ITGA3: variants seen among roughly 807,000 people sequenced by gnomAD.
ITGA3 encodes the protein integrin alpha-3.
In ITGA3, 70 loss-of-function variants were observed where a neutral mutation model predicts 131.1. The ratio of observed to expected loss-of-function variants is 0.53; its 90% CI spans 0.44 to 0.65. ITGA3 has a LOEUF of 0.65. Ranked by LOEUF, ITGA3 falls within the 30% of genes least tolerant of loss-of-function variation. The pLI, the probability that ITGA3 is intolerant of heterozygous loss-of-function variation, is 0.00. For synonymous variants in ITGA3, 537 were observed against 571.6 expected (o/e 0.94, Z 0.86); for missense variants, 1,098 against 1,388.6 (o/e 0.79, Z 3.33).
At chr17:50,077,566 C>G in intron 16 of ITGA3, 119 bp downstream of exon 16, 1 of 800,532 alleles carries the variant, frequency 1.2e-6, no homozygotes. Context: ...TGGAGAGCCA[C>G]AGTGCGGGAG....
intron 13 of ITGA3, 54 bp downstream of exon 13, chr17:50,076,529 G>T: frequency 6.2e-7 from 1 of 1,606,448 alleles, no homozygotes; most frequent in Non-Finnish European, 8.5e-7. Context: ...GGGCGGTGGG[G>T]CGAGAGGGCA....
Position 50,064,772 on chromosome 17 carries a change from C to T in ITGA3, c.414+165C>T. Reference sequence around the variant, plus strand: ...CTGTGTGTCCCTCGCTCTCTGCACTCCTGGGGAGGGGGTGAGTATCCTGTG... The same window carrying T: ...CTGTGTGTCCCTCGCTCTCTGCACTTCTGGGGAGGGGGTGAGTATCCTGTG... On this transcript the variant is annotated intron_variant, in intron 3 of 25. Coordinates refer to ENST00000320031, the MANE Select transcript of ITGA3 (RefSeq NM_002204.4). The surrounding 1 kb of genome is among the most constrained non-coding windows in gnomAD (Gnocchi z 4.4). 3 of 577,386 alleles carry T rather than the reference C, an allele frequency of 5.2e-6. No homozygotes were observed. The highest frequency in any genetic ancestry group is 6.1e-6 in the Non-Finnish European group (2 of 329,202). The allele number at this position is 577,386 out of a possible 1,614,324, so 35.8% of individuals were successfully genotyped here.
intron 23 of ITGA3, chr17:50,087,449 G>T: frequency 2.9e-6 from 1 of 345,998 alleles, no homozygotes; most frequent in Non-Finnish European, 5.3e-6. Context: ...AGGTCACACA[G>T]CTCATCAGGG....
intron 3 of ITGA3, among the ~76,000 whole-genome samples, chr17:50,067,251 A>G (rs1308572274): frequency 6.6e-6 from 1 of 152,198 alleles, no homozygotes; most frequent in African/African-American, 2.4e-5. Flanking sequence ...GTAAACAAGA[A>G]CCAGGGCCTA....
intron 25 of ITGA3, among the ~76,000 whole-genome samples, chr17:50,088,683 C>G (rs893354848): frequency 1.3e-5 from 2 of 152,168 alleles, no homozygotes; most frequent in Non-Finnish European, 2.9e-5. Flanking sequence ...ACAGCCATGT[C>G]CAGAATAATT....
rs1907827188 is a variant in ITGA3 at position 50,056,519 on chromosome 17, G to T, written c.80G>T (p.Gly27Val). The T allele has an allele frequency of 2.6e-6, 4 of 1,551,284 alleles. No homozygotes were observed. The highest frequency in any genetic ancestry group is 3.5e-6 in the Non-Finnish European group (4 of 1,147,870). The change falls in exon 1 of 26, where the codon GGC becomes GTC. Residue 27 changes from glycine (G) to valine (V), a missense_variant. This residue lies in a region of ITGA3 where 356 missense variants were observed against 529.2 expected (regional missense o/e 0.67). Transcript: ENST00000320031. The surrounding 1 kb of genome is among the most constrained non-coding windows in gnomAD (Gnocchi z 5.6). Reference sequence around the variant, plus strand: ...CTCGCCTTGATGGTGGCGGCCGGCGGCTGCGTCGTCTCCGCCTTCAACCTG... The same window carrying T: ...CTCGCCTTGATGGTGGCGGCCGGCGTCTGCGTCGTCTCCGCCTTCAACCTG... ...CALALMVAAG[G>V]CVVSAFNLDT...
chr17:50,086,236 T>A (rs1397147349), intron 23 of ITGA3: 1 of 136,622 alleles, frequency 7.3e-6, no homozygotes, highest in Admixed American at 8.0e-5. Context: ...ATATATATTA[T>A]ACATGTATAA....
At chr17:50,061,472 C>T (rs904341414) in intron 1 of ITGA3, among the ~76,000 whole-genome samples, 1 of 152,060 alleles carries the variant, frequency 6.6e-6, no homozygotes, top group African/African-American at 2.4e-5. Flanking sequence ...GGGGGCAACA[C>T]TTCCATTACA....
rs975509582 is a variant in ITGA3, at chr17:50,056,463, G to C, written c.24G>C (p.Ala8=). 3.9e-6 allele frequency: 6 copies of C among 1,535,704 alleles called. No individual in the cohort carries two copies. The East Asian group carries it at 1.5e-4, about 39-fold the overall frequency. Residue 8 remains alanine, a synonymous_variant, in exon 1 of 26, where the codon GCG becomes GCC. Coordinates refer to ENST00000320031, the MANE Select transcript of ITGA3 (RefSeq NM_002204.4). This position sits in a 1 kb window ranked among gnomAD's most constrained non-coding sequence, Gnocchi z 5.6. MGPGPSR[A]PRAPRLMLCA... The stretch of plus-strand genomic sequence containing the variant: ...CCATGGGCCCCGGCCCCAGCCGCGC[G>C]CCCCGCGCCCCACGCCTGATGCTCT...
chr17:50,060,917 C>T (rs573065482), intron 1 of ITGA3, among the ~76,000 whole-genome samples: 188 of 152,296 alleles, frequency 1.2e-3, no homozygotes, highest in African/African-American at 4.2e-3. Flanking sequence ...CATTTGCATA[C>T]AGTAAGGTCC....
intron 22 of ITGA3, 56 bp from the exon 23 acceptor site, chr17:50,081,254 G>C (rs1036238502): frequency 1.3e-4 from 143 of 1,141,850 alleles, no homozygotes; most frequent in Non-Finnish European, 2.3e-5. Flanking sequence ...TAGGGTCGGA[G>C]GTAGGCTCAG....
At chr17:50,077,143 C>G in intron 15 of ITGA3, 22 bp downstream of exon 15, 1 of 1,524,006 alleles carries the variant, frequency 6.6e-7, no homozygotes, top group Non-Finnish European at 8.9e-7. Context: ...CCGGCCGGCT[C>G]AGAGCCCAAG....
At chr17:50,086,706 A>T (rs1394648016) in intron 23 of ITGA3, 2 of 150,292 alleles carry the variant, frequency 1.3e-5, no homozygotes, top group African/African-American at 4.9e-5. Flanking sequence ...AAAAAAAAAA[A>T]ACCTCATATA....
chr17:50,061,201 G>A (rs1208560149), intron 1 of ITGA3, among the ~76,000 whole-genome samples: 1 of 152,180 alleles, frequency 6.6e-6, no homozygotes, highest in South Asian at 2.1e-4. Context: ...TGGGATTAGG[G>A]CACTGGCCCT....
In ITGA3 at chr17:50,071,521, G is replaced by A. The variant is rs1380539568; in HGVS notation, c.959+3G>A. 9.4e-6 allele frequency: 15 copies of A among 1,602,106 alleles called. No homozygotes were observed. Among genetic ancestry groups the A allele is most frequent in the Admixed American group, 5.0e-5 (3 of 59,516 alleles). ...CTGGCAGACCTGAACAATGATGGGTGAGAATCTAGGGACATCCTCTGGGGC... is the reference window on the plus strand; with the variant it reads ...CTGGCAGACCTGAACAATGATGGGTAAGAATCTAGGGACATCCTCTGGGGC... On this transcript the variant is annotated splice_donor_region_variant and intron_variant, in intron 6 of 25. Coordinates refer to ENST00000320031, the MANE Select transcript of ITGA3 (RefSeq NM_002204.4).
intron 12 of ITGA3, 45 bp from the exon 13 acceptor site, chr17:50,076,281 C>A: frequency 6.3e-7 from 1 of 1,586,936 alleles, no homozygotes. Context: ...TCAGCTGGGG[C>A]AGGGAGCAGT....
At chr17:50,074,093 C>A in intron 8 of ITGA3, 51 bp from the exon 9 acceptor site, 1 of 1,567,748 alleles carries the variant, frequency 6.4e-7, no homozygotes, top group Non-Finnish European at 8.8e-7. Flanking sequence ...CCTGTAGCCC[C>A]CTGGGCCCTG....
intron 1 of ITGA3, among the ~76,000 whole-genome samples, chr17:50,060,175 G>A (rs142853646): frequency 0.03 from 4,621 of 152,238 alleles, 102 homozygotes; most frequent in Admixed American, 0.074. Flanking sequence ...CCTCCCGGCC[G>A]GGGATAGGAG....
Position 50,076,979 on chromosome 17 carries a change from A to C in ITGA3, c.1928A>C (p.Gln643Pro), listed in dbSNP as rs1415646290. 2.5e-6 allele frequency: 4 copies of C among 1,607,008 alleles called. No homozygotes were observed. Among genetic ancestry groups the C allele is most frequent in the Middle Eastern group, 3.3e-4 (2 of 6,062 alleles). ...SEQQQKLSRL[Q>P]YSRDVRKLLL... ...TCCTGGGCTCCTGCTCTCAGGCTCC[A>C]GTACAGCAGAGACGTCCGGAAATTG... The change falls in exon 15 of 26, where the codon CAG becomes CCG. Residue 643 changes from glutamine to proline, a missense_variant. Physicochemically the swap from Gln to Pro is moderately conservative, Grantham distance 76 (BLOSUM62 -1). Transcript: ENST00000320031.
Sources: allele counts gnomAD v4.1 joint callset (sites outside exome capture counted in the v4.1 genomes callset), GRCh38; gene constraint gnomAD v4.1.1; regional missense constraint gnomAD v4.1.1; non-coding constraint Gnocchi (gnomAD v3.1); transcripts MANE v1.5; gene names NCBI Gene and HGNC (gene_info 2026-07-23, HGNC 2026-07-21).